The following VWA5B1 variants were observed in gnomAD, a reference collection of about 807,000 sequenced individuals.
The protein encoded by VWA5B1 is von Willebrand factor A domain-containing protein 5B1.
Under a neutral mutation model 118.2 loss-of-function variants are expected in VWA5B1, and 115 were observed. The ratio of observed to expected loss-of-function variants is 0.97; its 90% CI spans 0.84 to 1.14. The LOEUF is 1.14. VWA5B1 is among the 50% of genes most tolerant of loss of function. VWA5B1 has a pLI of 0.00. For missense variants in VWA5B1, 1,596 were observed against 1,603.8 expected (o/e 1.00, Z 0.08); for synonymous variants, 682 against 658.4 (o/e 1.04, Z -0.55).
Position 20,343,368 on chromosome 1 carries a change from G to T in VWA5B1, c.2601G>T (p.Ala867=). The change falls in exon 16 of 22, where the codon GCG becomes GCT. Residue 867 remains alanine (A), a synonymous_variant. Transcript: ENST00000289815. Reference sequence around the variant, plus strand: ...TCATCCGCGACTTCGAGCAGCTGGCGGAGCGCGAGGGCGAGATCGAGCAGG... The same window carrying T: ...TCATCCGCGACTTCGAGCAGCTGGCTGAGCGCGAGGGCGAGATCGAGCAGG... ...RAIIRDFEQL[A]EREGEIEQGS... The T allele has an allele frequency of 6.5e-7, 1 of 1,535,952 alleles. No individual in the cohort carries two copies. The highest frequency in any genetic ancestry group is 8.7e-7 in the Non-Finnish European group (1 of 1,143,260).
Position 20,323,461 on chromosome 1 carries a change from G to T in VWA5B1, c.1072G>T (p.Ala358Ser). The T allele has an allele frequency of 2.0e-6, 3 of 1,535,590 alleles. No homozygotes were observed. The highest frequency in any genetic ancestry group is 2.6e-6 in the Non-Finnish European group (3 of 1,139,800). ...LQSVQPCLRK[A>S]HGEFIFLIDR... ...GTCAGTCCAGCCGTGCCTGAGAAAG[G>T]CCCACGGGGAGTTCATCTTCCTCAT... Residue 358 changes from alanine (A) to serine (S), a missense_variant, in exon 8 of 22, where the codon GCC becomes TCC. Coordinates refer to ENST00000289815, the MANE Select transcript of VWA5B1 (RefSeq NM_001039500.3).
chr1:20,337,475 A>G (rs987030354), intron 13 of VWA5B1, among the ~76,000 whole-genome samples, 171 bp from the exon 14 acceptor site: 1 of 152,106 alleles, frequency 6.6e-6, no homozygotes, highest in African/African-American at 2.4e-5. Context: ...CTGGGAAGCT[A>G]GACTAGGGCC....
rs2089900896 is a variant in VWA5B1 at position 20,342,446 on chromosome 1, T to C, written c.2148T>C (p.Ser716=). 3 of 1,551,028 alleles carry C rather than the reference T, an allele frequency of 1.9e-6. No homozygotes were observed. The highest frequency in any genetic ancestry group is 2.0e-5 in the Admixed American group (1 of 50,984). ...WQIDLQPLLN[S]GQDLNQGPKL... ...TCCATCCCTAGCCCTTGCTGAACAG[T>C]GGTCAGGACCTGAACCAGGGCCCCA... The change falls in exon 15 of 22, where the codon AGT becomes AGC. Residue 716 remains serine, a synonymous_variant. Transcript: ENST00000289815.
intron 5 of VWA5B1, among the ~76,000 whole-genome samples, chr1:20,318,024 T>C (rs115293511): frequency 0.013 from 1,899 of 148,022 alleles, 24 homozygotes; most frequent in Non-Finnish European, 0.019. Context: ...CACCCAAACA[T>C]CCTGCATCCT....
chr1:20,347,614 T>A (rs1225461899), intron 17 of VWA5B1, among the ~76,000 whole-genome samples: 3 of 151,936 alleles, frequency 2.0e-5, no homozygotes, highest in Middle Eastern at 3.2e-3. Flanking sequence ...TAATTTTTTA[T>A]TTTTATTTTT....
intron 7 of VWA5B1, among the ~76,000 whole-genome samples, chr1:20,321,583 C>CA (rs373353098): frequency 2.0e-5 from 3 of 151,682 alleles, no homozygotes; most frequent in Admixed American, 6.6e-5. Flanking sequence ...GACTCTGTCT[C>CA]AAAAAAATAA....
At chr1:20,322,372 G>T (rs945035340) in intron 7 of VWA5B1, among the ~76,000 whole-genome samples, 1 of 152,158 alleles carries the variant, frequency 6.6e-6, no homozygotes, top group Non-Finnish European at 1.5e-5. Context: ...TGAAAGCAGC[G>T]TGAGAACAAA....
chr1:20,340,192 T>C (rs1557437580), intron 14 of VWA5B1, among the ~76,000 whole-genome samples: 1 of 145,592 alleles, frequency 6.9e-6, no homozygotes, highest in Non-Finnish European at 1.5e-5. Flanking sequence ...CACACTTATA[T>C]GTGCGCGCAC....
At position 20,327,916 on chromosome 1, in the gene VWA5B1, C is replaced by A. The variant is rs372295718; in HGVS notation, c.1170C>A (p.Ser390Arg). Residue 390 changes from serine (S) to arginine (R), a missense_variant, in exon 9 of 22, where the codon AGC becomes AGA. Transcript: ENST00000289815. The part of the protein sequence containing the change: ...VKDAMLVALK[S>R]LMPACLFNII... Reference sequence around the variant, plus strand: ...ATGCCATGTTGGTGGCCCTTAAGAGCCTCATGCCAGCCTGCCTCTTCAATA... The same window carrying A: ...ATGCCATGTTGGTGGCCCTTAAGAGACTCATGCCAGCCTGCCTCTTCAATA... 6.4e-7 allele frequency: 1 copy of A among 1,551,488 alleles called. No homozygotes were observed. The highest frequency in any genetic ancestry group is 8.7e-7 in the Non-Finnish European group (1 of 1,146,994).
Position 20,357,713 on chromosome 1 carries a change from C to A in VWA5B1, c.*3450C>A, listed in dbSNP as rs776057922. On this transcript the variant is annotated 3_prime_UTR_variant, in exon 22 of 22. Transcript: ENST00000289815. ...AATCATTTTCCCACTCCTTGGTTCT[C>A]TAGGTGGGTTTGTCTTCACTGGCCC... 4.6e-5 allele frequency among the ~76,000 whole-genome samples: 7 copies of A among 152,192 alleles called. No individual in the cohort carries two copies. Among genetic ancestry groups the A allele is most frequent in the Non-Finnish European group, 1.0e-4 (7 of 68,028 alleles).
Position 20,330,192 on chromosome 1 carries a change from A to T in VWA5B1, c.1267A>T (p.Met423Leu). 6.4e-7 allele frequency: 1 copy of T among 1,551,732 alleles called. No homozygotes were observed. Among genetic ancestry groups the T allele is most frequent in the Non-Finnish European group, 8.7e-7 (1 of 1,147,002 alleles). Residue 423 changes from methionine to leucine, a missense_variant, in exon 10 of 22, where the codon ATG becomes TTG. By Grantham distance (15) the Met-to-Leu change is conservative. Coordinates refer to ENST00000289815, the MANE Select transcript of VWA5B1 (RefSeq NM_001039500.3). The stretch of plus-strand genomic sequence containing the variant: ...TGCTTCTCTGCAGGACAGCTTGGCC[A>T]TGGCTTGTGATGACATCCAGAGAAT... ...SQTYSEDSLA[M>L]ACDDIQRMKA...
At chr1:20,332,494 TAA>T (rs1236252000) in intron 11 of VWA5B1, among the ~76,000 whole-genome samples, 1 of 96,684 alleles carries the variant, frequency 1.0e-5, no homozygotes, top group African/African-American at 3.3e-5. Context: ...TAAAATAAAA[TAA>T]AATAAAATAA....
intron 2 of VWA5B1, among the ~76,000 whole-genome samples, chr1:20,311,107 G>A (rs2088835684): frequency 6.6e-6 from 1 of 152,176 alleles, no homozygotes; most frequent in Non-Finnish European, 1.5e-5. Context: ...CAAGTAGCTG[G>A]GACTACGGGC....
At chr1:20,318,883 T>C (rs1031534501) in intron 6 of VWA5B1, among the ~76,000 whole-genome samples, 162 bp downstream of exon 6, 1 of 152,088 alleles carries the variant, frequency 6.6e-6, no homozygotes, top group Non-Finnish European at 1.5e-5. Flanking sequence ...ACTTGCCTTC[T>C]GGGAAAGTTG....
At chr1:20,351,987 C>A in intron 20 of VWA5B1, 68 bp from the exon 21 acceptor site, 1 of 1,289,820 alleles carries the variant, frequency 7.8e-7, no homozygotes. Flanking sequence ...CTGACCCTGA[C>A]TTTCAGGGGC....
intron 1 of VWA5B1, among the ~76,000 whole-genome samples, chr1:20,291,365 C>CTT (rs1557821974): frequency 1.1e-4 from 16 of 147,244 alleles, no homozygotes; most frequent in African/African-American, 4.2e-4. Flanking sequence ...TTCTTTCTCT[C>CTT]TCTCTCTCTC....
At position 20,312,973 on chromosome 1, in the gene VWA5B1, TC is replaced by T; in HGVS notation, c.281del (p.Pro94GlnfsTer14). 1 of 1,551,478 alleles carries T rather than the reference TC, an allele frequency of 6.4e-7. No individual in the cohort carries two copies. The highest frequency in any genetic ancestry group is 8.7e-7 in the Non-Finnish European group (1 of 1,146,942). ...SGHFDASHVR[S>X]PTVTGNILQD... ...CCACTTCGATGCCTCCCATGTTCGA[TC>T]CCCAACAGTCACAGGTAAGGAGACC... On this transcript the variant is annotated frameshift_variant, in exon 3 of 22. Transcript: ENST00000289815. LOFTEE classifies it high-confidence loss of function.
At position 20,332,788 on chromosome 1, in the gene VWA5B1, C is replaced by A; in HGVS notation, c.1595C>A (p.Ala532Asp). ...CAGATGGTCAAATCCTTGAAGAAGGCCATGGCCCCAGTCCTGAGCGATGTG... is the reference window on the plus strand; with the variant it reads ...CAGATGGTCAAATCCTTGAAGAAGGACATGGCCCCAGTCCTGAGCGATGTG... The part of the protein sequence containing the change: ...QPKMVKSLKK[A>D]MAPVLSDVTV... The change falls in exon 12 of 22, where the codon GCC becomes GAC. Residue 532 changes from alanine (A) to aspartate (D), a missense_variant. Transcript: ENST00000289815. 3.2e-6 allele frequency: 5 copies of A among 1,551,718 alleles called. No homozygotes were observed. The highest frequency in any genetic ancestry group is 4.4e-6 in the Non-Finnish European group (5 of 1,146,982).
intron 7 of VWA5B1, 107 bp from the exon 8 acceptor site, chr1:20,323,249 A>C (rs2089276236): frequency 1.8e-6 from 2 of 1,122,384 alleles, no homozygotes; most frequent in Non-Finnish European, 2.3e-6. Context: ...TTCCATGCAG[A>C]GCCTGAGCAG....
Sources: gnomAD v4.1 joint callset for allele counts (sites outside exome capture counted in the v4.1 genomes callset) on GRCh38, gnomAD v4.1.1 for gene constraint, MANE v1.5 for transcripts, NCBI Gene and HGNC (gene_info 2026-07-23, HGNC 2026-07-21) for gene names.